Variants in HCN1 observed in about 807,000 individuals in gnomAD.
The protein encoded by HCN1 is hyperpolarization activated cyclic nucleotide gated potassium channel 1, also known as potassium/sodium hyperpolarization-activated cyclic nucleotide-gated channel 1.
In HCN1, 13 loss-of-function variants were observed where a neutral mutation model predicts 78.9. The observed-to-expected ratio is 0.16, with a 90% CI of 0.11 to 0.26. The LOEUF is 0.26. Ranked by LOEUF, HCN1 falls within the 10% of genes least tolerant of loss-of-function variation. The probability of loss-of-function intolerance (pLI) is 1.00; values close to 1 mark genes in which losing one functional copy is unlikely to be tolerated. For missense variants in HCN1, 810 were observed against 1,154.3 expected (o/e 0.70, Z 4.32); for synonymous variants, 552 against 455.5 (o/e 1.21, Z -2.70).
intron 2 of HCN1, among the ~76,000 whole-genome samples, chr5:45,483,021 A>T (rs1289719949): frequency 6.6e-6 from 1 of 152,182 alleles, no homozygotes; most frequent in African/African-American, 2.4e-5. Context: ...GATGTGCATA[A>T]GGGTTGATTC....
intron 6 of HCN1, among the ~76,000 whole-genome samples, chr5:45,268,628 A>G (rs1340062449): frequency 6.6e-6 from 1 of 152,216 alleles, no homozygotes; most frequent in African/African-American, 2.4e-5. Context: ...CTAGAGAAGG[A>G]CACGTGAACC....
At chr5:45,550,631 A>C (rs566828697) in intron 2 of HCN1, among the ~76,000 whole-genome samples, 1 of 152,232 alleles carries the variant, frequency 6.6e-6, no homozygotes, top group Admixed American at 6.5e-5. Flanking sequence ...TGTACCCTAA[A>C]ACTTAAAGTA....
chr5:45,334,862 A>G (rs762217542), intron 5 of HCN1, among the ~76,000 whole-genome samples: 12 of 152,016 alleles, frequency 7.9e-5, no homozygotes, highest in Non-Finnish European at 1.3e-4. Context: ...GATTATGGCC[A>G]TTTTAGTTAA....
chr5:45,619,929 G>C (rs1745023959), intron 2 of HCN1, among the ~76,000 whole-genome samples: 1 of 151,990 alleles, frequency 6.6e-6, no homozygotes, highest in Non-Finnish European at 1.5e-5. Flanking sequence ...AGGAAAAATA[G>C]TATCTTTACA....
chr5:45,281,579 C>CTTTTTTTTTTTTTTTTT (rs751307473), intron 6 of HCN1, among the ~76,000 whole-genome samples: 1 of 81,664 alleles, frequency 1.2e-5, no homozygotes, highest in Non-Finnish European at 2.4e-5. Flanking sequence ...CTCTTCTCTT[C>CTTTTTTTTTTTTTTTTT]TTTTTTTTTT....
chr5:45,357,205 G>T (rs967200861), intron 4 of HCN1, among the ~76,000 whole-genome samples: 1 of 151,936 alleles, frequency 6.6e-6, no homozygotes, highest in African/African-American at 2.4e-5. Context: ...CCAAGTAAAC[G>T]ACTAAGAAAG....
At chr5:45,579,422 C>T (rs952401864) in intron 2 of HCN1, among the ~76,000 whole-genome samples, 14 of 152,042 alleles carry the variant, frequency 9.2e-5, no homozygotes, top group African/African-American at 3.4e-4. Flanking sequence ...TCTCTTGAGA[C>T]ACACAGTAAA....
intron 4 of HCN1, among the ~76,000 whole-genome samples, chr5:45,395,965 G>A (rs1047244670): frequency 6.6e-6 from 1 of 152,096 alleles, no homozygotes; most frequent in Non-Finnish European, 1.5e-5. Context: ...ATGCATCACA[G>A]CAGTTGTTAT....
intron 2 of HCN1, among the ~76,000 whole-genome samples, chr5:45,560,228 G>T (rs1258892241): frequency 6.6e-6 from 1 of 151,660 alleles, no homozygotes; most frequent in Non-Finnish European, 1.5e-5. Flanking sequence ...ATATCTCCAG[G>T]GTATACGTAT....
At chr5:45,373,913 C>A (rs191220619) in intron 4 of HCN1, among the ~76,000 whole-genome samples, 27 of 125,700 alleles carry the variant, frequency 2.1e-4, no homozygotes, top group African/African-American at 7.2e-4. Flanking sequence ...ATATTACATA[C>A]GGTATATACA....
At chr5:45,336,727 G>A (rs1046717992) in intron 5 of HCN1, among the ~76,000 whole-genome samples, 1 of 152,064 alleles carries the variant, frequency 6.6e-6, no homozygotes, top group African/African-American at 2.4e-5. Context: ...TGGTTTGGAG[G>A]TTGGGAAATC....
intron 2 of HCN1, among the ~76,000 whole-genome samples, chr5:45,497,687 A>T (rs1277396971): frequency 6.6e-6 from 1 of 152,200 alleles, no homozygotes; most frequent in East Asian, 1.9e-4. Flanking sequence ...TAATTGGAGC[A>T]TTTAGTACAT....
At chr5:45,500,721 A>G (rs963485485) in intron 2 of HCN1, among the ~76,000 whole-genome samples, 25 of 152,288 alleles carry the variant, frequency 1.6e-4, no homozygotes, top group African/African-American at 5.1e-4. Flanking sequence ...AAAATCACAC[A>G]AAAAGTTTTA....
At chr5:45,635,218 T>C (rs1169524436) in intron 2 of HCN1, among the ~76,000 whole-genome samples, 1 of 152,108 alleles carries the variant, frequency 6.6e-6, no homozygotes, top group Non-Finnish European at 1.5e-5. Flanking sequence ...CACTTTCATA[T>C]GAATTTTCCA....
At chr5:45,317,645 A>G (rs1746023474) in intron 5 of HCN1, among the ~76,000 whole-genome samples, 1 of 152,172 alleles carries the variant, frequency 6.6e-6, no homozygotes, top group Non-Finnish European at 1.5e-5. Context: ...GAATGGGAGA[A>G]AATTTTTGCA....
chr5:45,692,240 G>C (rs909338668), intron 1 of HCN1, among the ~76,000 whole-genome samples: 1 of 152,058 alleles, frequency 6.6e-6, no homozygotes, highest in Non-Finnish European at 1.5e-5. Flanking sequence ...CTATCAATTG[G>C]CTATGGAAGC....
At chr5:45,384,472 G>A (rs1747875543) in intron 4 of HCN1, among the ~76,000 whole-genome samples, 1 of 152,050 alleles carries the variant, frequency 6.6e-6, no homozygotes, top group South Asian at 2.1e-4. Flanking sequence ...CACATAAACA[G>A]CACTGCAGAA....
At chr5:45,627,033 C>A (rs1003515897) in intron 2 of HCN1, among the ~76,000 whole-genome samples, 6 of 151,136 alleles carry the variant, frequency 4.0e-5, no homozygotes, top group Admixed American at 6.6e-5. Flanking sequence ...ATATATATAA[C>A]TGGGTCCATT....
Position 45,564,197 on chromosome 5 carries a change from A to T in HCN1, c.849+80988T>A, listed in dbSNP as rs541014762. Reference sequence around the variant, plus strand: ...TTAATCCCATCCTGATACCTCAAAAACTTTGTCTCCCACTAAGTAAAAATA... The same window carrying T: ...TTAATCCCATCCTGATACCTCAAAATCTTTGTCTCCCACTAAGTAAAAATA... On this transcript the variant is annotated intron_variant, in intron 2 of 7. Coordinates refer to ENST00000303230, the MANE Select transcript of HCN1 (RefSeq NM_021072.4). 2.8e-4 allele frequency among the ~76,000 whole-genome samples: 42 copies of T among 152,208 alleles called. No homozygotes were observed. The East Asian group carries it at 5.8e-3, about 21-fold the overall frequency.
Sources: allele counts gnomAD v4.1 joint callset (sites outside exome capture counted in the v4.1 genomes callset), GRCh38; gene constraint gnomAD v4.1.1; transcripts MANE v1.5; gene names NCBI Gene and HGNC (gene_info 2026-07-23, HGNC 2026-07-21).